FAM13A: variants seen among roughly 807,000 people sequenced by gnomAD.
FAM13A encodes the protein family with sequence similarity 13 member A.
FAM13A carries 76 observed loss-of-function variants against 129.6 expected under a neutral mutation model. The ratio of observed to expected loss-of-function variants is 0.59; its 90% CI spans 0.49 to 0.71. The LOEUF (loss-of-function observed/expected upper bound fraction) is 0.71, where lower values mean the gene tolerates loss of function less well. FAM13A is among the 30% of genes least tolerant of loss of function. FAM13A has a pLI of 0.00. For missense variants in FAM13A, 1,108 were observed against 1,249.3 expected (o/e 0.89, Z 1.70); for synonymous variants, 443 against 449.9 (o/e 0.98, Z 0.20).
chr4:88,873,113 C>A (rs1741720471), intron 6 of FAM13A, among the ~76,000 whole-genome samples: 1 of 152,064 alleles, frequency 6.6e-6, no homozygotes, highest in Admixed American at 6.6e-5. Flanking sequence ...CACAACATAC[C>A]AGAATCTCTG....
chr4:88,868,411 C>T lies in FAM13A; in HGVS notation c.844-17228G>A, dbSNP rs925403651. Among the ~76,000 whole-genome samples, 3 of 152,176 alleles carry T rather than the reference C, an allele frequency of 2.0e-5. No individual in the cohort carries two copies. The East Asian group carries it at 5.8e-4, about 29-fold the overall frequency. On this transcript the variant is annotated intron_variant, in intron 6 of 23. Transcript: ENST00000264344. ...GCCACTTACCAAGTCCAGCTTTTAT[C>T]TGTTTACTTTCCTTCCCTACCTATC...
intron 10 of FAM13A, among the ~76,000 whole-genome samples, chr4:88,787,512 A>G (rs1207197212): frequency 1.3e-5 from 2 of 152,166 alleles, no homozygotes; most frequent in African/African-American, 4.8e-5. Context: ...ATTCAATCAG[A>G]GGTGGCTTCT....
At chr4:88,879,919 T>C (rs771338121) in intron 6 of FAM13A, among the ~76,000 whole-genome samples, 2 of 152,228 alleles carry the variant, frequency 1.3e-5, no homozygotes, top group Admixed American at 6.5e-5. Flanking sequence ...ACCAAGACTA[T>C]TCAGGCTGAA....
chr4:88,791,810 C>T lies in FAM13A; in HGVS notation c.1050-1183G>A, dbSNP rs568692313. Among the ~76,000 whole-genome samples, 16 of 152,152 alleles carry T rather than the reference C, an allele frequency of 1.1e-4. No homozygotes were observed. In the South Asian group the frequency reaches 3.3e-3, roughly 32 times the overall value. On this transcript the variant is annotated intron_variant, in intron 8 of 23. Transcript: ENST00000264344. ...ATGTAAGTGTATATCTCATCTCTTT[C>T]AATGTAGAATCTCAAGGCCTCAAGG...
chr4:88,833,015 G>A (rs750794418), intron 7 of FAM13A, among the ~76,000 whole-genome samples: 1 of 152,296 alleles, frequency 6.6e-6, no homozygotes, highest in Middle Eastern at 3.4e-3. Context: ...TAAAGAAAAT[G>A]TGGTATACAC....
rs1767144229 is a variant in FAM13A, at chr4:89,020,656, T to C, written c.231A>G (p.Glu77=). The change falls in exon 3 of 24, where the codon GAA becomes GAG. Residue 77 remains glutamate, a synonymous_variant. Coordinates refer to ENST00000264344, the MANE Select transcript of FAM13A (RefSeq NM_014883.4). ...CGTTACCATTCACCCTAAAAAGACC[T>C]TCTTGGGTAAGTCCTGGAAGAGCAA... ...EYLTQHGLTQ[E]GLFRVNGNVK... is the part of the protein sequence containing the mutation. 6.2e-7 allele frequency: 1 copy of C among 1,613,996 alleles called. No individual in the cohort carries two copies.
chr4:88,813,165 G>A (rs1212338551), intron 7 of FAM13A, among the ~76,000 whole-genome samples: 1 of 152,132 alleles, frequency 6.6e-6, no homozygotes, highest in East Asian at 1.9e-4. Flanking sequence ...TAATGTTTGA[G>A]TATGGCCTTG....
chr4:88,892,793 A>C (rs527629533), intron 6 of FAM13A, among the ~76,000 whole-genome samples: 1 of 152,294 alleles, frequency 6.6e-6, no homozygotes, highest in East Asian at 1.9e-4. Flanking sequence ...AAAGAAAACA[A>C]GTCAAATGAT....
In FAM13A at chr4:89,034,528, A is replaced by G. The variant is rs571575853; in HGVS notation, c.28-4879T>C. 2.6e-5 allele frequency among the ~76,000 whole-genome samples: 4 copies of G among 152,340 alleles called. No individual in the cohort carries two copies. The South Asian group carries it at 8.3e-4, about 32-fold the overall frequency. ...AAAGCAGTTTAGAGATTTCTCAAAG[A>G]ACTAAAAATAGAACTACCATTTAAC... On this transcript the variant is annotated intron_variant, in intron 1 of 23. Transcript: ENST00000264344.
At chr4:88,814,135 A>G (rs1031443787) in intron 7 of FAM13A, among the ~76,000 whole-genome samples, 4 of 152,186 alleles carry the variant, frequency 2.6e-5, no homozygotes, top group Non-Finnish European at 1.5e-5. Flanking sequence ...AGGAATTACT[A>G]ACCAGATTTT....
At chr4:88,919,997 T>G (rs2446299) in intron 5 of FAM13A, among the ~76,000 whole-genome samples, 10 of 151,906 alleles carry the variant, frequency 6.6e-5, no homozygotes, top group Non-Finnish European at 1.3e-4. Context: ...GGCTGGGGGA[T>G]GGGCGCCTGC....
At chr4:88,958,183 CA>C (rs1758051315) in intron 4 of FAM13A, among the ~76,000 whole-genome samples, 1 of 152,172 alleles carries the variant, frequency 6.6e-6, no homozygotes, top group African/African-American at 2.4e-5. Context: ...ATACAATGAG[CA>C]AAAGGCCTCA....
chr4:88,741,096 C>T (rs890823299), intron 19 of FAM13A, among the ~76,000 whole-genome samples: 3 of 152,186 alleles, frequency 2.0e-5, no homozygotes, highest in African/African-American at 7.2e-5. Context: ...CTTTGGAAAA[C>T]TATTTGGCAG....
intron 6 of FAM13A, among the ~76,000 whole-genome samples, chr4:88,863,291 G>A (rs772569885): frequency 6.6e-6 from 1 of 152,170 alleles, no homozygotes; most frequent in Admixed American, 6.5e-5. Flanking sequence ...TCCATAAAAA[G>A]CGTAAACAAT....
chr4:88,836,968 A>G (rs938943447), intron 7 of FAM13A, among the ~76,000 whole-genome samples: 19 of 151,932 alleles, frequency 1.3e-4, no homozygotes, highest in Non-Finnish European at 1.5e-4. Context: ...TCAAGAAAAA[A>G]AAAAATTATG....
chr4:88,896,327 G>T (rs544477470), intron 6 of FAM13A, among the ~76,000 whole-genome samples: 1 of 151,510 alleles, frequency 6.6e-6, no homozygotes, highest in African/African-American at 2.4e-5. Flanking sequence ...GCTAGATGAC[G>T]AGTTAGTGGG....
intron 1 of FAM13A, among the ~76,000 whole-genome samples, chr4:89,030,155 A>C (rs1427010218): frequency 6.6e-6 from 1 of 152,156 alleles, no homozygotes; most frequent in Non-Finnish European, 1.5e-5. Context: ...TTACATCTGT[A>C]AATATCTCAG....
chr4:88,885,854 G>A (rs1167939522), intron 6 of FAM13A, among the ~76,000 whole-genome samples: 1 of 149,686 alleles, frequency 6.7e-6, no homozygotes, highest in African/African-American at 2.4e-5. Context: ...GTGGGCTAAA[G>A]GCATGAATAG....
intron 5 of FAM13A, among the ~76,000 whole-genome samples, chr4:88,912,568 T>TACACACACACAC (rs71594867): frequency 6.8e-6 from 1 of 146,098 alleles, no homozygotes; most frequent in Admixed American, 6.8e-5. Context: ...CACACATACA[T>TACACACACACAC]ACACACACAC....
Sources: allele counts gnomAD v4.1 joint callset (sites outside exome capture counted in the v4.1 genomes callset), GRCh38; gene constraint gnomAD v4.1.1; transcripts MANE v1.5; gene names NCBI Gene and HGNC (gene_info 2026-07-23, HGNC 2026-07-21).